The following DTNB variants were observed in gnomAD, a reference collection of about 807,000 sequenced individuals.
DTNB encodes DTN-B.
A neutral mutation model predicts 90.7 loss-of-function variants in DTNB; 63 were observed. The ratio of observed to expected loss-of-function variants is 0.69; its 90% CI spans 0.57 to 0.86. DTNB has a LOEUF of 0.86. DTNB is among the 40% of genes least tolerant of loss of function. DTNB has a pLI of 0.00. For missense variants in DTNB, 744 were observed against 807.1 expected (o/e 0.92, Z 0.95); for synonymous variants, 277 against 286.7 (o/e 0.97, Z 0.34).
At chr2:25,447,639 G>A (rs2058624030) in intron 12 of DTNB, among the ~76,000 whole-genome samples, 2 of 151,516 alleles carry the variant, frequency 1.3e-5, no homozygotes, top group African/African-American at 4.9e-5. Flanking sequence ...CAAGAAGCTG[G>A]GATTACAGGC....
At chr2:25,404,469 G>A (rs546895504) in intron 16 of DTNB, among the ~76,000 whole-genome samples, 26 of 152,282 alleles carry the variant, frequency 1.7e-4, no homozygotes, top group African/African-American at 5.3e-4. Context: ...GCTGGAGTGT[G>A]GGGAGCAGGG....
intron 18 of DTNB, among the ~76,000 whole-genome samples, chr2:25,384,697 G>C (rs1462982970): frequency 6.6e-6 from 1 of 152,142 alleles, no homozygotes; most frequent in Non-Finnish European, 1.5e-5. Context: ...ATCCTGGGTA[G>C]CTTGAGAGGA....
rs1169808182 is a variant in DTNB at position 25,589,367 on chromosome 2, C to CTTTTTTTTTTTTTTTT, written c.603+6703_603+6718dup. Among the ~76,000 whole-genome samples, 16 of 57,554 alleles carry CTTTTTTTTTTTTTTTT rather than the reference C, an allele frequency of 2.8e-4. 3 individuals carry two copies. Among genetic ancestry groups the CTTTTTTTTTTTTTTTT allele is most frequent in the South Asian group, 1.4e-3 (2 of 1,440 alleles). 37.8% of individuals were successfully genotyped at this position (57,554 alleles called of 152,430 possible). Reference sequence around the variant, plus strand: ...GCTTATTCAGGTTTCTTTTTCTTTTCTTTTTTTTTTTTTTTTTTTTTTTTT... The same window carrying CTTTTTTTTTTTTTTTT: ...GCTTATTCAGGTTTCTTTTTCTTTTCTTTTTTTTTTTTTTTTTTTTTTTTTTTTTTTTTTTTTTTTT... On this transcript the variant is annotated intron_variant, in intron 6 of 20. Transcript: ENST00000406818.
rs76652554 is a variant in DTNB at position 25,629,337 on chromosome 2, A to C, written c.149-953T>G. 6.9e-3 allele frequency among the ~76,000 whole-genome samples: 1,058 copies of C among 152,332 alleles called. 15 individuals carry two copies. The highest frequency in any genetic ancestry group is 0.024 in the African/African-American group (1,012 of 41,580). On this transcript the variant is annotated intron_variant, in intron 3 of 20. Transcript: ENST00000406818. Reference sequence around the variant, plus strand: ...ACTAGGGGAAGAACTGAAATTAGGAAAACACAACTATTCAAAAGAAGGCAA... The same window carrying C: ...ACTAGGGGAAGAACTGAAATTAGGACAACACAACTATTCAAAAGAAGGCAA...
intron 8 of DTNB, among the ~76,000 whole-genome samples, chr2:25,555,362 T>C (rs1457659917): frequency 6.6e-6 from 1 of 151,912 alleles, no homozygotes; most frequent in Non-Finnish European, 1.5e-5. Context: ...ATAAAGTCTT[T>C]TCTATATGCT....
intron 10 of DTNB, among the ~76,000 whole-genome samples, chr2:25,457,120 C>T (rs1234350903): frequency 1.3e-5 from 2 of 152,158 alleles, no homozygotes; most frequent in African/African-American, 2.4e-5. Flanking sequence ...AGTGATTCTC[C>T]TGCCTCAGTC....
At chr2:25,607,433 C>T in intron 4 of DTNB, 112 bp from the exon 5 acceptor site, 1 of 960,466 alleles carries the variant, frequency 1.0e-6, no homozygotes, top group Non-Finnish European at 1.5e-6. Flanking sequence ...TTGTCTGTTA[C>T]AATTTTACCA....
chr2:25,414,091 T>C (rs919369228), intron 16 of DTNB, among the ~76,000 whole-genome samples: 1 of 152,262 alleles, frequency 6.6e-6, no homozygotes, highest in Non-Finnish European at 1.5e-5. Flanking sequence ...TAGAGAAGTG[T>C]CTGTTCAGAT....
chr2:25,430,817 C>T (rs565643967), intron 14 of DTNB, among the ~76,000 whole-genome samples: 1 of 152,272 alleles, frequency 6.6e-6, no homozygotes, highest in African/African-American at 2.4e-5. Flanking sequence ...TATAAGTATT[C>T]ATTTGACTAT....
intron 12 of DTNB, 104 bp from the exon 13 acceptor site, chr2:25,434,099 C>T (rs2149977207): frequency 9.3e-7 from 1 of 1,070,748 alleles, no homozygotes. Context: ...ATATAATTTA[C>T]ATATCATAAA....
intron 15 of DTNB, among the ~76,000 whole-genome samples, chr2:25,420,449 GTC>G (rs1261395803): frequency 1.3e-5 from 2 of 151,134 alleles, no homozygotes; most frequent in Admixed American, 1.3e-4. Context: ...CAAAGAAATG[GTC>G]TCTGTCATCT....
At chr2:25,636,431 T>C (rs1204095571) in intron 3 of DTNB, among the ~76,000 whole-genome samples, 1 of 152,214 alleles carries the variant, frequency 6.6e-6, no homozygotes, top group East Asian at 1.9e-4. Flanking sequence ...CTAATGCCAC[T>C]AGCCTAGTCA....
At chr2:25,579,976 CTTTTTTTTTTTT>C (rs59639406) in intron 7 of DTNB, among the ~76,000 whole-genome samples, 1 of 52,964 alleles carries the variant, frequency 1.9e-5, no homozygotes, top group South Asian at 9.3e-4. Flanking sequence ...AGTATCCTTT[CTTTTTTTTTTTT>C]TTTTTTTTTT....
At chr2:25,392,086 A>G (rs1425171613) in intron 16 of DTNB, among the ~76,000 whole-genome samples, 2 of 152,128 alleles carry the variant, frequency 1.3e-5, no homozygotes, top group African/African-American at 4.8e-5. Context: ...AATGAAACTG[A>G]AACACATACA....
At chr2:25,647,436 A>G (rs1485861951) in intron 2 of DTNB, among the ~76,000 whole-genome samples, 1 of 152,222 alleles carries the variant, frequency 6.6e-6, no homozygotes, top group Non-Finnish European at 1.5e-5. Flanking sequence ...CATACACATT[A>G]TTTTCAAGTA....
In DTNB at chr2:25,672,203, C is replaced by CAAAAA. The variant is rs5829985; in HGVS notation, c.-2+1178_-2+1182dup. The stretch of plus-strand genomic sequence containing the variant: ...TCAGAACCGGGGTTGCCTCGCATAG[C>CAAAAA]AAAAAAAAAAAAAAAAAAAAAAAAA... On this transcript the variant is annotated intron_variant, in intron 1 of 20. Coordinates refer to ENST00000406818, the MANE Select transcript of DTNB (RefSeq NM_021907.5). Among the ~76,000 whole-genome samples, 75 of 42,472 alleles carry CAAAAA rather than the reference C, an allele frequency of 1.8e-3. 3 individuals carry two copies. The highest frequency in any genetic ancestry group is 2.7e-3 in the African/African-American group (23 of 8,482). 27.9% of individuals were successfully genotyped at this position (42,472 alleles called of 152,430 possible).
chr2:25,621,609 A>ATTTTTTTTTTTT (rs758895953), intron 4 of DTNB, among the ~76,000 whole-genome samples: 1 of 106,002 alleles, frequency 9.4e-6, no homozygotes, highest in Non-Finnish European at 1.8e-5. Context: ...TGCCTGGCTA[A>ATTTTTTTTTTTT]TTTTTTTTTT....
intron 3 of DTNB, among the ~76,000 whole-genome samples, chr2:25,630,275 T>A (rs142823956): frequency 7.2e-4 from 109 of 152,332 alleles, no homozygotes; most frequent in African/African-American, 2.5e-3. Flanking sequence ...GAAATTCTCA[T>A]AAACTGCTGG....
At chr2:25,662,681 A>ACAAAC (rs35419647) in intron 1 of DTNB, among the ~76,000 whole-genome samples, 3,923 of 104,322 alleles carry the variant, frequency 0.038, 100 homozygotes, top group African/African-American at 0.1. Context: ...CACACACACA[A>ACAAAC]ACACACACAC....
Sources: gnomAD v4.1 joint callset for allele counts (sites outside exome capture counted in the v4.1 genomes callset) on GRCh38, gnomAD v4.1.1 for gene constraint, MANE v1.5 for transcripts, NCBI Gene and HGNC (gene_info 2026-07-23, HGNC 2026-07-21) for gene names.